The following VAV2 variants were observed in gnomAD, a reference collection of about 807,000 sequenced individuals.
VAV2 encodes vav guanine nucleotide exchange factor 2.
VAV2 carries 67 observed loss-of-function variants against 132.5 expected under a neutral mutation model. The observed-to-expected ratio is 0.51, with a 90% confidence interval of 0.42 to 0.62. VAV2 has a LOEUF of 0.62. Ranked by LOEUF, VAV2 falls within the 20% of genes least tolerant of loss-of-function variation. VAV2 has a pLI of 0.00. For synonymous variants in VAV2, 492 were observed against 443.5 expected, an observed-to-expected ratio of 1.11 and a Z score of -1.37; for missense variants, 938 against 1,153.6, an observed-to-expected ratio of 0.81 and a Z score of 2.71.
At chr9:133,855,252 A>G (rs961334137) in intron 3 of VAV2, among the ~76,000 whole-genome samples, 1 of 152,266 alleles carries the variant, frequency 6.6e-6, no homozygotes, top group Admixed American at 6.5e-5. Flanking sequence ...CAGAGAGGAT[A>G]GCACATTCGT....
intron 19 of VAV2, among the ~76,000 whole-genome samples, chr9:133,782,727 T>G (rs1834054903): frequency 6.6e-6 from 1 of 152,192 alleles, no homozygotes; most frequent in Non-Finnish European, 1.5e-5. Flanking sequence ...CTTTGTTGAA[T>G]AGAAGCTCTG....
intron 2 of VAV2, among the ~76,000 whole-genome samples, chr9:133,908,201 G>A (rs560129722): frequency 3.3e-5 from 5 of 151,952 alleles, no homozygotes; most frequent in Admixed American, 2.6e-4. Flanking sequence ...CCTTTGAAGT[G>A]GCACCATAGT....
intron 4 of VAV2, among the ~76,000 whole-genome samples, chr9:133,820,251 C>G (rs1407260050): frequency 6.6e-6 from 1 of 152,228 alleles, no homozygotes; most frequent in Non-Finnish European, 1.5e-5. Flanking sequence ...CTTTGGCCAT[C>G]ACCGACGTGG....
At chr9:133,791,072 G>T (rs956136113) in intron 13 of VAV2, among the ~76,000 whole-genome samples, 11 of 152,212 alleles carry the variant, frequency 7.2e-5, no homozygotes, top group African/African-American at 2.7e-4. Context: ...CCACAACCAA[G>T]AATGATCCAG....
chr9:133,944,236 G>A (rs1841280775), intron 1 of VAV2, among the ~76,000 whole-genome samples: 1 of 152,088 alleles, frequency 6.6e-6, no homozygotes, highest in Non-Finnish European at 1.5e-5. Flanking sequence ...TTCAGCCTAT[G>A]TGGGCCCTTC....
At chr9:133,805,648 C>T (rs868618489) in intron 9 of VAV2, among the ~76,000 whole-genome samples, 4 of 152,084 alleles carry the variant, frequency 2.6e-5, no homozygotes, top group Non-Finnish European at 4.4e-5. Flanking sequence ...GCCCCAGAAA[C>T]GCCACCTCCC....
At chr9:133,817,917 T>C (rs1490938094) in intron 4 of VAV2, among the ~76,000 whole-genome samples, 1 of 152,180 alleles carries the variant, frequency 6.6e-6, no homozygotes, top group African/African-American at 2.4e-5. Flanking sequence ...GGCTAAGGAC[T>C]ACCCAGAGAG....
In VAV2 at chr9:133,834,383, C is replaced by A; in HGVS notation, c.381-43G>T. On this transcript the variant is annotated intron_variant, in intron 3 of 29. Coordinates refer to ENST00000371850, the MANE Select transcript of VAV2 (RefSeq NM_001134398.2). This position sits in a 1 kb window ranked among gnomAD's most constrained non-coding sequence, Gnocchi z 5.9. Reference sequence around the variant, plus strand: ...AGAGGGAGGTGAGCAGGTCCCGGCACTGCCGGCCAGTGGGACCCCAGCTGG... The same window carrying A: ...AGAGGGAGGTGAGCAGGTCCCGGCAATGCCGGCCAGTGGGACCCCAGCTGG... The A allele has an allele frequency of 6.3e-7, 1 of 1,594,504 alleles. No homozygotes were observed. Among genetic ancestry groups the A allele is most frequent in the Non-Finnish European group, 8.6e-7 (1 of 1,169,328 alleles).
chr9:133,882,585 C>A (rs1838541789), intron 2 of VAV2, among the ~76,000 whole-genome samples: 1 of 152,172 alleles, frequency 6.6e-6, no homozygotes, highest in South Asian at 2.1e-4. Context: ...CAGATCCCCA[C>A]CCCCGCGACC....
chr9:133,769,302 G>A lies in VAV2; in HGVS notation c.2434+115C>T, dbSNP rs1340965599. 21 of 1,156,036 alleles carry A rather than the reference G, an allele frequency of 1.8e-5. No individual in the cohort carries two copies. The highest frequency in any genetic ancestry group is 7.9e-5 in the South Asian group (5 of 63,032). The allele number at this position is 1,156,036 out of a possible 1,614,324, so 71.6% of individuals were successfully genotyped here. A position where few individuals can be genotyped will look rare whatever the true frequency, so the allele number is the denominator to read the frequency against. Reference sequence around the variant, plus strand: ...TCCCCTCCACCCAGTGCCAGACTGCGGACAACTGTGGCCACGTCAGGCAGG... The same window carrying A: ...TCCCCTCCACCCAGTGCCAGACTGCAGACAACTGTGGCCACGTCAGGCAGG... On this transcript the variant is annotated intron_variant, in intron 28 of 29. Transcript: ENST00000371850. The surrounding 1 kb of genome is among the most constrained non-coding windows in gnomAD (Gnocchi z 8.1).
intron 1 of VAV2, among the ~76,000 whole-genome samples, chr9:133,985,690 C>T (rs1193986927): frequency 6.6e-6 from 1 of 152,180 alleles, no homozygotes; most frequent in South Asian, 2.1e-4. Flanking sequence ...AAGCCTGGAA[C>T]ATCTTGTTGA....
intron 2 of VAV2, among the ~76,000 whole-genome samples, chr9:133,876,555 C>T (rs964737557): frequency 6.6e-6 from 1 of 152,242 alleles, no homozygotes; most frequent in Non-Finnish European, 1.5e-5. Context: ...GGAGGCCTGT[C>T]GGACACAGGG....
chr9:133,948,882 G>A (rs1395131119), intron 1 of VAV2, among the ~76,000 whole-genome samples: 1 of 152,246 alleles, frequency 6.6e-6, no homozygotes, highest in African/African-American at 2.4e-5. Flanking sequence ...AGGGTAGTGA[G>A]GGGAAGACCC....
intron 4 of VAV2, among the ~76,000 whole-genome samples, chr9:133,825,119 C>T (rs956882269): frequency 2.7e-5 from 4 of 150,350 alleles, no homozygotes; most frequent in African/African-American, 7.3e-5. Context: ...AAATGAGGCA[C>T]CACGGCCAGT....
chr9:133,825,408 GC>G (rs1835947320), intron 4 of VAV2, among the ~76,000 whole-genome samples: 1 of 152,130 alleles, frequency 6.6e-6, no homozygotes, highest in Non-Finnish European at 1.5e-5. Flanking sequence ...TGTGCCTGGG[GC>G]CGGGGGCTGT....
At chr9:133,852,593 G>A (rs768524240) in intron 3 of VAV2, among the ~76,000 whole-genome samples, 1 of 152,198 alleles carries the variant, frequency 6.6e-6, no homozygotes, top group South Asian at 2.1e-4. Context: ...TTTAAAGACA[G>A]ACACAGGCAG....
chr9:133,808,282 G>A (rs537180079), intron 7 of VAV2, among the ~76,000 whole-genome samples: 1 of 152,352 alleles, frequency 6.6e-6, no homozygotes, highest in East Asian at 1.9e-4. Flanking sequence ...GGGTGGGGCA[G>A]CAGGAGGGGG....
At chr9:133,952,033 T>C (rs1841575962) in intron 1 of VAV2, among the ~76,000 whole-genome samples, 1 of 152,092 alleles carries the variant, frequency 6.6e-6, no homozygotes, top group African/African-American at 2.4e-5. Flanking sequence ...GCAGTCCCTT[T>C]TGGTACTCTT....
At chr9:133,987,341 G>A (rs969065346) in intron 1 of VAV2, among the ~76,000 whole-genome samples, 2 of 152,372 alleles carry the variant, frequency 1.3e-5, no homozygotes, top group African/African-American at 4.8e-5. Flanking sequence ...AAAGCGCGTG[G>A]AGGACAGGGT....
Sources: allele counts gnomAD v4.1 joint callset (sites outside exome capture counted in the v4.1 genomes callset), GRCh38; gene constraint gnomAD v4.1.1; non-coding constraint Gnocchi (gnomAD v3.1); transcripts MANE v1.5; gene names NCBI Gene and HGNC (gene_info 2026-07-23, HGNC 2026-07-21).